HIP1R: variants seen among roughly 807,000 people sequenced by gnomAD.
HIP1R encodes the protein huntingtin interacting protein 1 related.
In HIP1R, 135 loss-of-function variants were observed where a neutral mutation model predicts 144.2. That is an observed-to-expected ratio of 0.94 (90% CI 0.81 to 1.08). The LOEUF is 1.08. Ranked by LOEUF, HIP1R falls within the 50% of genes least tolerant of loss-of-function variation. The pLI is 0.00. For synonymous variants in HIP1R, 698 were observed against 612.8 expected, an observed-to-expected ratio of 1.14 and a Z score of -2.05; for missense variants, 1,462 against 1,432.8, an observed-to-expected ratio of 1.02 and a Z score of -0.33.
chr12:122,856,299 A>G lies in HIP1R; in HGVS notation c.1356A>G (p.Glu452=), dbSNP rs757132088. ...ATEARYNKLK[E]KHSELVHVHA... Reference sequence around the variant, plus strand: ...AGGCGCGCTACAACAAGCTGAAGGAAAAGCACAGTGAGCTCGTCCATGTGC... The same window carrying G: ...AGGCGCGCTACAACAAGCTGAAGGAGAAGCACAGTGAGCTCGTCCATGTGC... The change falls in exon 15 of 32, where the codon GAA becomes GAG. Residue 452 remains glutamate (E), a synonymous_variant. Coordinates refer to ENST00000253083, the MANE Select transcript of HIP1R (RefSeq NM_003959.3). 12 of 1,613,764 alleles carry G rather than the reference A, an allele frequency of 7.4e-6. No homozygotes were observed. The highest frequency in any genetic ancestry group is 2.7e-5 in the African/African-American group (2 of 74,920).
intron 18 of HIP1R, chr12:122,857,444 G>A (rs967085539): frequency 2.0e-5 from 12 of 599,310 alleles, no homozygotes; most frequent in Admixed American, 1.1e-4. Context: ...TCTGCCGTGT[G>A]GACAGACCAC....
chr12:122,835,814 GC>G (rs2032873076), intron 1 of HIP1R, among the ~76,000 whole-genome samples, 171 bp downstream of exon 1: 1 of 148,596 alleles, frequency 6.7e-6, no homozygotes, highest in African/African-American at 2.4e-5. Flanking sequence ...CTCCGCTGCC[GC>G]CCCCCGCCGG....
chr12:122,861,634 C>T, intron 31 of HIP1R, 72 bp from the exon 32 acceptor site: 1 of 1,591,734 alleles, frequency 6.3e-7, no homozygotes, highest in Admixed American at 1.7e-5. Context: ...CAGGGAGGAG[C>T]TTGCTCAAGG....
At position 122,849,909 on chromosome 12, in the gene HIP1R, A is replaced by T. The variant is rs1222116951; in HGVS notation, c.392A>T (p.Asn131Ile). 1.9e-6 allele frequency: 3 copies of T among 1,613,514 alleles called. No individual in the cohort carries two copies. The highest frequency in any genetic ancestry group is 1.3e-5 in the African/African-American group (1 of 74,936). ...CATGACCGCTACGGACAGCTGGTGA[A>T]TGTCTACACCAAGCTGCTGCTGACC... ...HLHDRYGQLV[N>I]VYTKLLLTKI... Residue 131 changes from asparagine to isoleucine, a missense_variant, in exon 5 of 32, where the codon AAT (asparagine) becomes ATT (isoleucine). By Grantham distance (149) the Asn-to-Ile change is moderately radical. Around this residue, in one of 2 missense-constraint regions of HIP1R, gnomAD observed 350 missense variants for 421.1 expected, o/e 0.83. Transcript: ENST00000253083.
At chr12:122,842,701 G>C (rs2033091826) in intron 1 of HIP1R, among the ~76,000 whole-genome samples, 1 of 152,296 alleles carries the variant, frequency 6.6e-6, no homozygotes, top group Admixed American at 6.5e-5. Flanking sequence ...GCCCATTCCT[G>C]CGGTCTGTTT....
intron 26 of HIP1R, 71 bp from the exon 27 acceptor site, chr12:122,860,352 C>T: frequency 6.4e-7 from 1 of 1,574,742 alleles, no homozygotes; most frequent in Non-Finnish European, 8.7e-7. Context: ...GGGAGAGGGC[C>T]CTTGAGGGCC....
intron 31 of HIP1R, 48 bp from the exon 32 acceptor site, chr12:122,861,658 C>T (rs112915878): frequency 5.6e-6 from 9 of 1,609,702 alleles, no homozygotes; most frequent in African/African-American, 5.3e-5. Flanking sequence ...AGGTGGGGCC[C>T]CAGGTGCCTG....
At position 122,848,573 on chromosome 12, in the gene HIP1R, G is replaced by T; in HGVS notation, c.265G>T (p.Val89Phe). 1 of 1,613,130 alleles carries T rather than the reference G, an allele frequency of 6.2e-7. No individual in the cohort carries two copies. The highest frequency in any genetic ancestry group is 8.5e-7 in the Non-Finnish European group (1 of 1,179,952). The change falls in exon 3 of 32, where the codon GTC becomes TTC. Residue 89 changes from valine (V) to phenylalanine (F), a missense_variant. By Grantham distance (50) the Val-to-Phe change is conservative (BLOSUM62 -1). Around this residue, in one of 2 missense-constraint regions of HIP1R, gnomAD observed 350 missense variants for 421.1 expected, o/e 0.83. Transcript: ENST00000253083. ...CATTCTCAGCTGGAAGTTCTGCCAC[G>T]TCCTCCACAAGGTCCTTCGAGACGG... ...SSILSWKFCH[V>F]LHKVLRDGHP...
At position 122,860,788 on chromosome 12, in the gene HIP1R, A is replaced by AGCTT. The variant is rs752653359; in HGVS notation, c.2766+7_2766+10dup. Reference sequence around the variant, plus strand: ...CCAGCTGGTGGCGGCCTCCAAGGTGAGCTTGCACGCCGACAGCAGCACACT... The same window carrying AGCTT: ...CCAGCTGGTGGCGGCCTCCAAGGTGAGCTTGCTTGCACGCCGACAGCAGCACACT... On this transcript the variant is annotated splice_donor_region_variant and intron_variant, in intron 28 of 31. Coordinates refer to ENST00000253083, the MANE Select transcript of HIP1R (RefSeq NM_003959.3). The AGCTT allele has an allele frequency of 7.4e-6, 12 of 1,611,690 alleles. No individual in the cohort carries two copies. In the South Asian group the frequency reaches 1.2e-4, roughly 16 times the overall value.
rs1004289379 is a variant in HIP1R, at chr12:122,854,066, A to G, written c.601A>G (p.Ile201Val). 3.1e-6 allele frequency: 5 copies of G among 1,613,758 alleles called. No homozygotes were observed. Among genetic ancestry groups the G allele is most frequent in the Non-Finnish European group, 4.2e-6 (5 of 1,179,888 alleles). ...AGTTTTCCGACAGCTCAACACGGCC[A>G]TCGCCGTATCCCAGATGTCCTCAGG... ...ESVFRQLNTAIAVSQMSSGQC... is the reference protein window; with the variant it reads ...ESVFRQLNTAVAVSQMSSGQC... The change falls in exon 8 of 32, where the codon ATC becomes GTC. Residue 201 changes from isoleucine (I) to valine (V), a missense_variant. Physicochemically the swap from Ile to Val is conservative, Grantham distance 29 (BLOSUM62 3). Around this residue, in one of 2 missense-constraint regions of HIP1R, gnomAD observed 350 missense variants for 421.1 expected, o/e 0.83. Coordinates refer to ENST00000253083, the MANE Select transcript of HIP1R (RefSeq NM_003959.3).
chr12:122,855,501 C>T (rs2033539426), intron 11 of HIP1R, 50 bp from the exon 12 acceptor site: 1 of 1,548,832 alleles, frequency 6.5e-7, no homozygotes, highest in Non-Finnish European at 8.7e-7. Flanking sequence ...TGCCCACTGC[C>T]CGGCCTGGAG....
rs2033677828 is a variant in HIP1R, at chr12:122,858,902, T to C, written c.2115T>C (p.Asn705=). 2.5e-6 allele frequency: 4 copies of C among 1,613,226 alleles called. No homozygotes were observed. The South Asian group carries it at 3.3e-5, about 13-fold the overall frequency. Residue 705 remains asparagine, a synonymous_variant, in exon 21 of 32, where the codon AAT becomes AAC. Coordinates refer to ENST00000253083, the MANE Select transcript of HIP1R (RefSeq NM_003959.3). ...FSHLAADTII[N]GGATSHLAPT... is the part of the protein sequence containing the mutation. Reference sequence around the variant, plus strand: ...ACCTGGCTGCGGATACCATCATCAATGGCGGTGCCACCTCGCACCTGGCTC... The same window carrying C: ...ACCTGGCTGCGGATACCATCATCAACGGCGGTGCCACCTCGCACCTGGCTC...
At chr12:122,853,760 G>C (rs547403349) in intron 7 of HIP1R, 1 of 347,644 alleles carries the variant, frequency 2.9e-6, no homozygotes, top group East Asian at 5.1e-5. Context: ...CTTGTCAGTC[G>C]GGCACCTCGT....
intron 11 of HIP1R, 47 bp downstream of exon 11, chr12:122,855,452 A>G (rs1191020432): frequency 1.3e-6 from 2 of 1,548,786 alleles, no homozygotes; most frequent in African/African-American, 2.7e-5. Flanking sequence ...CAGCTGCAGC[A>G]TGAGGCCAAC....
chr12:122,860,103 C>G (rs377699682), intron 25 of HIP1R, 26 bp downstream of exon 25: 35 of 1,581,498 alleles, frequency 2.2e-5, no homozygotes, highest in Non-Finnish European at 2.9e-5. Context: ...CCGGGGGGGT[C>G]TGCACCTGGA....
At chr12:122,847,987 G>A (rs1286040755) in intron 1 of HIP1R, 44 bp from the exon 2 acceptor site, 10 of 1,601,560 alleles carry the variant, frequency 6.2e-6, no homozygotes, top group South Asian at 1.1e-5. Context: ...GTCTCCTGGG[G>A]TGGCTGCCTG....
rs1463567216 is a variant in HIP1R, at chr12:122,861,465, A to C, written c.3110A>C (p.Lys1037Thr). ...STAPRSVTTK[K>T]PPLAQKPSVA... ...GCCCCCCGAAGTGTAACCACCAAGAAACCACCCCTGGCCCAGAAGCCCAGC... is the reference window on the plus strand; with the variant it reads ...GCCCCCCGAAGTGTAACCACCAAGACACCACCCCTGGCCCAGAAGCCCAGC... The change falls in exon 31 of 32, where the codon AAA becomes ACA. Residue 1037 changes from lysine (K) to threonine (T), a missense_variant. By Grantham distance (78) the Lys-to-Thr change is moderately conservative. Transcript: ENST00000253083. 1.9e-6 allele frequency: 3 copies of C among 1,613,448 alleles called. No homozygotes were observed. Among genetic ancestry groups the C allele is most frequent in the Non-Finnish European group, 2.5e-6 (3 of 1,179,848 alleles).
rs2033778924 is a variant in HIP1R, at chr12:122,861,709, G to A, written c.3163G>A (p.Asp1055Asn). 1.2e-6 allele frequency: 2 copies of A among 1,614,096 alleles called. No individual in the cohort carries two copies. The highest frequency in any genetic ancestry group is 1.7e-6 in the Non-Finnish European group (2 of 1,179,998). Residue 1055 changes from aspartate to asparagine, a missense_variant, in exon 32 of 32, where the codon GAC (aspartate) becomes AAC (asparagine). Physicochemically the swap from Asp to Asn is conservative, Grantham distance 23. Around this residue, in one of 2 missense-constraint regions of HIP1R, gnomAD observed 1,112 missense variants for 1,011.7 expected, o/e 1.10. Transcript: ENST00000253083. ...SVAPRQDHQL[D>N]KKDGIYPAQL... ...CCCCCACCTTTAACCCCTGCAGCTTGACAAAAAGGATGGCATCTACCCAGC... is the reference window on the plus strand; with the variant it reads ...CCCCCACCTTTAACCCCTGCAGCTTAACAAAAAGGATGGCATCTACCCAGC...
In HIP1R at chr12:122,857,173, C is replaced by G; in HGVS notation, c.1773C>G (p.Ser591Arg). The G allele has an allele frequency of 6.4e-7, 1 of 1,550,442 alleles. No individual in the cohort carries two copies. Among genetic ancestry groups the G allele is most frequent in the South Asian group, 1.2e-5 (1 of 84,048 alleles). ...CGCTGAGCCGGGAGCAGCAGCGCAG[C>G]TCCCAGGAGCAGGGCGAGTTGCAGG... ...EAALSREQQR[S>R]SQEQGELQGR... The change falls in exon 18 of 32, where the codon AGC becomes AGG. Residue 591 changes from serine (S) to arginine (R), a missense_variant. This residue lies in a region of HIP1R where 1,112 missense variants were observed against 1,011.7 expected (regional missense o/e 1.10). Coordinates refer to ENST00000253083, the MANE Select transcript of HIP1R (RefSeq NM_003959.3).
Sources: gnomAD v4.1 joint callset for allele counts (sites outside exome capture counted in the v4.1 genomes callset) on GRCh38, gnomAD v4.1.1 for gene constraint, gnomAD v4.1.1 regional missense constraint, MANE v1.5 for transcripts, NCBI Gene and HGNC (gene_info 2026-07-23, HGNC 2026-07-21) for gene names.